UGT8: variants seen among roughly 807,000 people sequenced by gnomAD.
UGT8 encodes 2-hydroxyacylsphingosine 1-beta-galactosyltransferase.
A neutral mutation model predicts 40.5 loss-of-function variants in UGT8; 12 were observed. That is an observed-to-expected ratio of 0.30 (90% CI 0.19 to 0.48). The LOEUF (loss-of-function observed/expected upper bound fraction) is 0.48, where lower values mean the gene tolerates loss of function less well. Among genes scored for constraint, UGT8 ranks in the 20% least tolerant of loss-of-function variants. The pLI is 0.99. For missense variants in UGT8, 513 were observed against 648.7 expected (o/e 0.79, Z 2.27); for synonymous variants, 224 against 240.4 (o/e 0.93, Z 0.63).
chr4:114,666,315 A>G (rs1734875457), intron 4 of UGT8, among the ~76,000 whole-genome samples: 1 of 152,076 alleles, frequency 6.6e-6, no homozygotes, highest in African/African-American at 2.4e-5. Context: ...ATATTATTTA[A>G]TCTTGGGGAT....
At chr4:114,615,582 T>C (rs957936023) in intron 1 of UGT8, among the ~76,000 whole-genome samples, 1 of 152,202 alleles carries the variant, frequency 6.6e-6, no homozygotes, top group Non-Finnish European at 1.5e-5. Flanking sequence ...GCTGGTGTTA[T>C]GGTTTTGCAG....
chr4:114,609,940 T>C (rs1169952885), intron 1 of UGT8, among the ~76,000 whole-genome samples: 1 of 152,202 alleles, frequency 6.6e-6, no homozygotes, highest in Non-Finnish European at 1.5e-5. Flanking sequence ...ACCTAATATA[T>C]GCTAGAAATC....
At chr4:114,669,074 CTGAGAAACACT>C (rs1486845529) in intron 5 of UGT8, among the ~76,000 whole-genome samples, 1 of 152,124 alleles carries the variant, frequency 6.6e-6, no homozygotes, top group African/African-American at 2.4e-5. Context: ...TGGCTTAACA[CTGAGAAACACT>C]TGAGAAACAC....
At chr4:114,598,559 C>T (rs1730221387), upstream of UGT8, 1 of 152,260 alleles carries the variant, frequency 6.6e-6, no homozygotes, top group African/African-American at 2.4e-5. Context: ...ATGCCCCAGC[C>T]CGGGGAGCTG....
intron 1 of UGT8, among the ~76,000 whole-genome samples, chr4:114,614,509 A>G (rs1476262306): frequency 1.8e-4 from 27 of 152,174 alleles, no homozygotes; most frequent in Admixed American, 1.8e-3. Flanking sequence ...CAGGCAAAGC[A>G]ATATTTTAAA....
At chr4:114,634,314 A>G (rs762445646) in intron 2 of UGT8, among the ~76,000 whole-genome samples, 2 of 152,194 alleles carry the variant, frequency 1.3e-5, no homozygotes, top group Non-Finnish European at 2.9e-5. Flanking sequence ...TGATGTTTGA[A>G]CATGTGAGCA....
rs759228056 is a variant in UGT8, at chr4:114,622,983, A to G, written c.103A>G (p.Met35Val). The G allele has an allele frequency of 1.9e-5, 31 of 1,613,908 alleles. No individual in the cohort carries two copies. Among genetic ancestry groups the G allele is most frequent in the African/African-American group, 1.1e-4 (8 of 74,888 alleles). ...GCCGCCAATTATGTTTGAAAGCCAT[A>G]TGTACATTTTCAAGACGCTAGCCTC... is the stretch of plus-strand genomic sequence containing the variant. ...IVPPIMFESH[M>V]YIFKTLASAL... Residue 35 changes from methionine to valine, a missense_variant, in exon 2 of 6, where the codon ATG becomes GTG. Coordinates refer to ENST00000310836, the MANE Select transcript of UGT8 (RefSeq NM_001128174.3).
At chr4:114,623,860 C>T (rs1359087590) in intron 2 of UGT8, 158 bp downstream of exon 2, 1 of 578,574 alleles carries the variant, frequency 1.7e-6, no homozygotes, top group Non-Finnish European at 2.2e-6. Flanking sequence ...TATGTGGGTC[C>T]ACCACTTCCC....
intron 2 of UGT8, chr4:114,663,672 A>G (rs1734686370): frequency 1.0e-5 from 10 of 984,750 alleles, no homozygotes; most frequent in Admixed American, 6.2e-5. Context: ...TCTGCATACA[A>G]ATTTTTTTCT....
intron 3 of UGT8, 129 bp from the exon 4 acceptor site, chr4:114,665,551 G>A: frequency 7.8e-7 from 1 of 1,276,196 alleles, no homozygotes; most frequent in South Asian, 2.0e-5. Flanking sequence ...CCAAAGCATG[G>A]TTTCATTCTT....
intron 1 of UGT8, among the ~76,000 whole-genome samples, chr4:114,620,198 TA>T (rs1731699064): frequency 1.3e-5 from 2 of 152,344 alleles, no homozygotes; most frequent in South Asian, 4.1e-4. Flanking sequence ...GTTTTAACTG[TA>T]ACTGAACAGA....
Position 114,676,440 on chromosome 4 carries a change from G to T in UGT8, c.*152G>T, listed in dbSNP as rs1735651673. 3 of 666,826 alleles carry T rather than the reference G, an allele frequency of 4.5e-6. No homozygotes were observed. Among genetic ancestry groups the T allele is most frequent in the Non-Finnish European group, 7.2e-6 (3 of 418,874 alleles). The allele number at this position is 666,826 out of a possible 1,614,324, so 41.3% of individuals were successfully genotyped here. A position where few individuals can be genotyped will look rare whatever the true frequency, so the allele number is the denominator to read the frequency against. On this transcript the variant is annotated 3_prime_UTR_variant, in exon 6 of 6. Coordinates refer to ENST00000310836, the MANE Select transcript of UGT8 (RefSeq NM_001128174.3). ...TAATGAAATTCTGTGGAATTAAGAT[G>T]GCTGTAAAAAGCACAAACCTAAAAT...
At chr4:114,657,168 C>A (rs1343832140) in intron 2 of UGT8, among the ~76,000 whole-genome samples, 1 of 151,444 alleles carries the variant, frequency 6.6e-6, no homozygotes, top group African/African-American at 2.4e-5. Flanking sequence ...CTCCTCAGTA[C>A]CTTGCCATCA....
Position 114,623,696 on chromosome 4 carries a change from A to C in UGT8, c.816A>C (p.Leu272=). ...GGILTKPASP[L]PEDLQRWVNG... ...TCCTAACCAAACCAGCCAGCCCACT[A>C]CCAGAAGTAAGGTTTGCCGAATTCC... is the stretch of plus-strand genomic sequence containing the variant. The change falls in exon 2 of 6, where the codon CTA becomes CTC. Residue 272 remains leucine, a synonymous_variant. Transcript: ENST00000310836. The C allele has an allele frequency of 6.3e-7, 1 of 1,586,236 alleles. No homozygotes were observed. The highest frequency in any genetic ancestry group is 1.3e-5 in the African/African-American group (1 of 74,240).
At position 114,623,471 on chromosome 4, in the gene UGT8, C is replaced by T. The variant is rs551429622; in HGVS notation, c.591C>T (p.Thr197=). 2.5e-5 allele frequency: 41 copies of T among 1,614,134 alleles called. 1 individual carries two copies. Among genetic ancestry groups the T allele is most frequent in the South Asian group, 1.4e-4 (13 of 91,070 alleles). The change falls in exon 2 of 6, where the codon ACC becomes ACT. Residue 197 remains threonine (T), a synonymous_variant. Coordinates refer to ENST00000310836, the MANE Select transcript of UGT8 (RefSeq NM_001128174.3). The part of the protein sequence containing the change: ...RMNLLQRMKN[T]GVYLISRLGV... ...ACTTGCTGCAAAGGATGAAAAATAC[C>T]GGTGTTTACCTCATTTCCAGATTAG...
chr4:114,649,035 AAATAAATTACTAACGC>A (rs1368746683), intron 2 of UGT8, among the ~76,000 whole-genome samples: 3 of 152,212 alleles, frequency 2.0e-5, no homozygotes, highest in African/African-American at 7.2e-5. Context: ...TTCAGCTGGA[AAATAAATTACTAACGC>A]AATATGATTT....
At chr4:114,602,500 C>A (rs1247749025) in intron 1 of UGT8, among the ~76,000 whole-genome samples, 1 of 152,158 alleles carries the variant, frequency 6.6e-6, no homozygotes, top group Admixed American at 6.5e-5. Context: ...AATCATATCT[C>A]CTTAATCTGA....
At chr4:114,665,228 C>T (rs1242623731) in intron 3 of UGT8, among the ~76,000 whole-genome samples, 1 of 152,182 alleles carries the variant, frequency 6.6e-6, no homozygotes, top group African/African-American at 2.4e-5. Context: ...AGAGAACTTA[C>T]TGATTTTTTT....
Position 114,668,255 on chromosome 4 carries a change from A to C in UGT8, c.1213A>C (p.Thr405Pro). Residue 405 changes from threonine to proline, a missense_variant, in exon 5 of 6, where the codon ACT becomes CCT. This residue lies in a region of UGT8 where 175 missense variants were observed against 186.7 expected (regional missense o/e 0.94). Transcript: ENST00000310836. ...MGILLEWKTV[T>P]EKELYEALVK... ...GATATTGCTAGAATGGAAGACAGTT[A>C]CTGAAAAAGAGCTCTATGAAGCACT... is the stretch of plus-strand genomic sequence containing the variant. 2 of 1,613,832 alleles carry C rather than the reference A, an allele frequency of 1.2e-6. No individual in the cohort carries two copies. Among genetic ancestry groups the C allele is most frequent in the Non-Finnish European group, 1.7e-6 (2 of 1,179,818 alleles).
Sources: allele counts gnomAD v4.1 joint callset (sites outside exome capture counted in the v4.1 genomes callset), GRCh38; gene constraint gnomAD v4.1.1; regional missense constraint gnomAD v4.1.1; transcripts MANE v1.5; gene names NCBI Gene and HGNC (gene_info 2026-07-23, HGNC 2026-07-21).